Variants in EDIL3 observed in about 807,000 individuals in gnomAD.
The protein encoded by EDIL3 is EGF like and discoidin domains 3.
Under a neutral mutation model 67.4 loss-of-function variants are expected in EDIL3, and 37 were observed. That is an observed-to-expected ratio of 0.55 (90% CI 0.42 to 0.72). EDIL3 has a LOEUF of 0.72. EDIL3 is among the 30% of genes least tolerant of loss of function. EDIL3 has a pLI of 0.00. For synonymous variants in EDIL3, 195 were observed against 196.3 expected, an observed-to-expected ratio of 0.99 and a Z score of 0.05; for missense variants, 527 against 586.3, an observed-to-expected ratio of 0.90 and a Z score of 1.04.
At chr5:84,029,211 C>T (rs568055616) in intron 9 of EDIL3, among the ~76,000 whole-genome samples, 11 of 152,172 alleles carry the variant, frequency 7.2e-5, no homozygotes, top group East Asian at 1.9e-4. Context: ...GAGCCAATTG[C>T]GCCACTGCAC....
intron 5 of EDIL3, among the ~76,000 whole-genome samples, chr5:84,125,094 A>T (rs1747844544): frequency 6.6e-6 from 1 of 152,016 alleles, no homozygotes; most frequent in Non-Finnish European, 1.5e-5. Flanking sequence ...AGGGTCTACA[A>T]ATAGGAATAA....
At chr5:84,033,843 T>C (rs1008193441) in intron 9 of EDIL3, among the ~76,000 whole-genome samples, 1 of 152,050 alleles carries the variant, frequency 6.6e-6, no homozygotes, top group Non-Finnish European at 1.5e-5. Context: ...CTGTGGGATA[T>C]ATTAAGTTAG....
chr5:84,016,386 C>T (rs527328949), intron 9 of EDIL3, among the ~76,000 whole-genome samples: 1 of 152,252 alleles, frequency 6.6e-6, no homozygotes, highest in East Asian at 1.9e-4. Flanking sequence ...TCTAAAGCGT[C>T]ATTTTGATCC....
chr5:84,099,566 A>C (rs1037445788), intron 6 of EDIL3, among the ~76,000 whole-genome samples: 2 of 150,924 alleles, frequency 1.3e-5, no homozygotes, highest in South Asian at 2.1e-4. Flanking sequence ...ACACCTTATA[A>C]AAAAATTAAC....
At chr5:84,196,803 A>T (rs1743718933) in intron 3 of EDIL3, 1 of 152,016 alleles carries the variant, frequency 6.6e-6, no homozygotes, top group Admixed American at 6.6e-5. Flanking sequence ...ATGCTTTTAT[A>T]CCACTGTATT....
At chr5:84,369,047 C>T (rs1747794203) in intron 1 of EDIL3, among the ~76,000 whole-genome samples, 1 of 151,814 alleles carries the variant, frequency 6.6e-6, no homozygotes, top group Non-Finnish European at 1.5e-5. Flanking sequence ...CTGTGAAAAA[C>T]ACTATGAAAG....
chr5:83,949,073 A>AG (rs908413424), intron 10 of EDIL3, among the ~76,000 whole-genome samples: 2 of 151,826 alleles, frequency 1.3e-5, no homozygotes, highest in African/African-American at 4.8e-5. Context: ...CCAAAAAAGT[A>AG]GGGGTTTCTG....
At chr5:84,211,570 A>G (rs1172025510) in intron 3 of EDIL3, among the ~76,000 whole-genome samples, 3 of 152,194 alleles carry the variant, frequency 2.0e-5, no homozygotes, top group African/African-American at 7.2e-5. Flanking sequence ...CTTCTAAGAA[A>G]CAGGAGAAAA....
rs535615897 is a variant in EDIL3 at position 84,001,983 on chromosome 5, G to C, written c.1138-38623C>G. Reference sequence around the variant, plus strand: ...ATAAATATAAAGAAAGAAAAAGAAAGAAAGAAAACTATAAGCCAATATCTC... The same window carrying C: ...ATAAATATAAAGAAAGAAAAAGAAACAAAGAAAACTATAAGCCAATATCTC... On this transcript the variant is annotated intron_variant, in intron 9 of 10. Transcript: ENST00000296591. Among the ~76,000 whole-genome samples the C allele has an allele frequency of 3.2e-3, 493 of 151,814 alleles. 3 individuals carry two copies. Among genetic ancestry groups the C allele is most frequent in the Non-Finnish European group, 5.6e-3 (379 of 67,852 alleles).
At chr5:84,209,884 T>C (rs1398589801) in intron 3 of EDIL3, among the ~76,000 whole-genome samples, 3 of 152,216 alleles carry the variant, frequency 2.0e-5, no homozygotes, top group African/African-American at 7.2e-5. Context: ...TTACTAAACA[T>C]GATGATTTCC....
intron 2 of EDIL3, among the ~76,000 whole-genome samples, chr5:84,238,665 G>GTTTTTTTTTTT (rs3046880): frequency 3.0e-5 from 3 of 101,106 alleles, no homozygotes; most frequent in South Asian, 3.4e-4. Flanking sequence ...AAAATTAAAT[G>GTTTTTTTTTTT]TTTTTTTTTT....
intron 5 of EDIL3, among the ~76,000 whole-genome samples, chr5:84,132,528 T>TTTTATATATAA (rs1748007036): frequency 8.6e-6 from 1 of 116,564 alleles, no homozygotes; most frequent in African/African-American, 3.6e-5. Context: ...TTAATATATA[T>TTTTATATATAA]TATATATTTT....
chr5:84,371,997 G>T (rs1048769178), intron 1 of EDIL3, among the ~76,000 whole-genome samples: 3 of 152,040 alleles, frequency 2.0e-5, no homozygotes, highest in Non-Finnish European at 4.4e-5. Flanking sequence ...GATGGGAAAA[G>T]AACTTTAGAG....
chr5:84,108,850 G>A (rs183254602), intron 5 of EDIL3, among the ~76,000 whole-genome samples: 60 of 152,304 alleles, frequency 3.9e-4, no homozygotes, highest in African/African-American at 1.4e-3. Flanking sequence ...GACTAGCAGA[G>A]CTAGAGAGCC....
At chr5:84,277,288 G>T (rs191929242) in intron 1 of EDIL3, among the ~76,000 whole-genome samples, 36 of 152,122 alleles carry the variant, frequency 2.4e-4, no homozygotes, top group African/African-American at 8.7e-4. Flanking sequence ...TCTCTGCTAC[G>T]TGAGGTTATA....
intron 1 of EDIL3, among the ~76,000 whole-genome samples, chr5:84,333,440 G>A (rs1377745533): frequency 4.6e-5 from 7 of 152,076 alleles, no homozygotes; most frequent in African/African-American, 1.4e-4. Flanking sequence ...AAAGTCATTA[G>A]TCCTGGTTTT....
intron 1 of EDIL3, among the ~76,000 whole-genome samples, chr5:84,265,812 T>C (rs1745336434): frequency 1.3e-5 from 2 of 152,220 alleles, no homozygotes; most frequent in African/African-American, 4.8e-5. Flanking sequence ...GCCAATGCGT[T>C]TCCTTAATGT....
chr5:84,363,364 C>G (rs539000034), intron 1 of EDIL3, among the ~76,000 whole-genome samples: 1 of 150,844 alleles, frequency 6.6e-6, no homozygotes, highest in Non-Finnish European at 1.5e-5. Context: ...GCAGGAGAAT[C>G]GCTTGAACTC....
intron 9 of EDIL3, among the ~76,000 whole-genome samples, chr5:83,968,344 T>C (rs990570092): frequency 6.6e-6 from 1 of 152,058 alleles, no homozygotes; most frequent in African/African-American, 2.4e-5. Flanking sequence ...ATTATTGCAT[T>C]TTCCCCTTTA....
Sources: gnomAD v4.1 joint callset for allele counts (sites outside exome capture counted in the v4.1 genomes callset) on GRCh38, gnomAD v4.1.1 for gene constraint, MANE v1.5 for transcripts, NCBI Gene and HGNC (gene_info 2026-07-23, HGNC 2026-07-21) for gene names.